OPCML: variants seen among roughly 807,000 people sequenced by gnomAD.
OPCML encodes opioid-binding protein/cell adhesion molecule.
Under a neutral mutation model 37.8 loss-of-function variants are expected in OPCML, and 13 were observed. The observed-to-expected ratio is 0.34, with a 90% CI of 0.22 to 0.55. OPCML has a LOEUF of 0.55. Ranked by LOEUF, OPCML falls within the 20% of genes least tolerant of loss-of-function variation. OPCML has a pLI of 0.91. For missense variants in OPCML, 341 were observed against 435.6 expected (o/e 0.78, Z 1.93); for synonymous variants, 176 against 168.8 (o/e 1.04, Z -0.33).
At chr11:132,973,880 T>C (rs1946398970) in intron 1 of OPCML, among the ~76,000 whole-genome samples, 1 of 149,374 alleles carries the variant, frequency 6.7e-6, no homozygotes, top group Non-Finnish European at 1.5e-5. Context: ...TGGCCTAGCC[T>C]ACCCCTTACC....
intron 4 of OPCML, among the ~76,000 whole-genome samples, chr11:132,491,368 C>T (rs898798803): frequency 6.6e-6 from 1 of 152,240 alleles, no homozygotes. Flanking sequence ...ATGCTCCAGC[C>T]CCATTGCTTA....
intron 1 of OPCML, among the ~76,000 whole-genome samples, chr11:133,324,073 C>T (rs1391806139): frequency 6.6e-6 from 1 of 152,312 alleles, no homozygotes. Context: ...TGCCTCCCCA[C>T]ATTCGGAGTT....
In OPCML at chr11:132,965,701, T is replaced by C. The variant is rs1235239982; in HGVS notation, c.62-22691A>G. Among the ~76,000 whole-genome samples, 4 of 152,086 alleles carry C rather than the reference T, an allele frequency of 2.6e-5. No individual in the cohort carries two copies. In the East Asian group the frequency reaches 7.7e-4, roughly 29 times the overall value. On this transcript the variant is annotated intron_variant, in intron 1 of 7. Coordinates refer to ENST00000524381, the MANE Select transcript of OPCML (RefSeq NM_001012393.5). ...GCAAGGGCCACCACGCCCAGCTAAT[T>C]TTTGTCTTTTTAGTAGAGAGGGGGT...
intron 3 of OPCML, among the ~76,000 whole-genome samples, chr11:132,548,596 C>A (rs1293614336): frequency 6.6e-6 from 1 of 152,164 alleles, no homozygotes; most frequent in East Asian, 1.9e-4. Context: ...AGAGCAGAGC[C>A]AGCGAGGAAT....
intron 3 of OPCML, among the ~76,000 whole-genome samples, chr11:132,637,414 G>T (rs965105519): frequency 2.0e-5 from 3 of 152,060 alleles, no homozygotes; most frequent in Non-Finnish European, 4.4e-5. Context: ...GCTGTTGAAG[G>T]CTTGGAAACC....
At chr11:132,854,149 C>G (rs1356631921) in intron 2 of OPCML, among the ~76,000 whole-genome samples, 1 of 152,158 alleles carries the variant, frequency 6.6e-6, no homozygotes, top group African/African-American at 2.4e-5. Flanking sequence ...ACCCAAGGCA[C>G]CACTTTACTT....
chr11:133,005,745 C>T (rs1189739860), intron 1 of OPCML: 2 of 979,506 alleles, frequency 2.0e-6, no homozygotes, highest in East Asian at 1.1e-4. Flanking sequence ...AAAAGCTTTT[C>T]TTTCTTTTTA....
intron 1 of OPCML, among the ~76,000 whole-genome samples, chr11:133,332,906 C>G (rs1178492386): frequency 6.6e-6 from 1 of 152,102 alleles, no homozygotes; most frequent in Non-Finnish European, 1.5e-5. Flanking sequence ...CGACTTCAAA[C>G]GATACTACAA....
chr11:132,516,609 G>A (rs536069075), intron 4 of OPCML, among the ~76,000 whole-genome samples: 42 of 152,218 alleles, frequency 2.8e-4, no homozygotes, highest in Middle Eastern at 3.4e-3. Context: ...TGGCCAGGGT[G>A]GAGCATATCA....
intron 1 of OPCML, among the ~76,000 whole-genome samples, chr11:133,028,881 T>C (rs1053116177): frequency 1.3e-4 from 17 of 129,644 alleles, no homozygotes; most frequent in African/African-American, 5.0e-4. Flanking sequence ...AACTAAAGTG[T>C]TTCTGCACAC....
At chr11:133,254,227 C>T (rs756534160) in intron 1 of OPCML, among the ~76,000 whole-genome samples, 19 of 152,184 alleles carry the variant, frequency 1.2e-4, no homozygotes, top group Admixed American at 2.6e-4. Flanking sequence ...CTTAGGCTCC[C>T]GGGGAAAGGG....
At chr11:132,818,683 A>G (rs966721864) in intron 2 of OPCML, among the ~76,000 whole-genome samples, 1 of 86,208 alleles carries the variant, frequency 1.2e-5, no homozygotes, top group Non-Finnish European at 2.6e-5. Flanking sequence ...TATATATAAA[A>G]TCATATTGTT....
Position 133,505,096 on chromosome 11 carries a change from C to T in OPCML, c.61+27168G>A, listed in dbSNP as rs1038278315. On this transcript the variant is annotated intron_variant, in intron 1 of 7. Coordinates refer to ENST00000524381, the MANE Select transcript of OPCML (RefSeq NM_001012393.5). Reference sequence around the variant, plus strand: ...CAGGCTCTCCGGGTGCCTCACACCACATGACCTTAGGGAAGGACCCTCGAC... The same window carrying T: ...CAGGCTCTCCGGGTGCCTCACACCATATGACCTTAGGGAAGGACCCTCGAC... 2.6e-5 allele frequency among the ~76,000 whole-genome samples: 4 copies of T among 152,340 alleles called. No homozygotes were observed. The South Asian group carries it at 6.2e-4, about 24-fold the overall frequency.
At chr11:133,229,797 A>G (rs1014727413) in intron 1 of OPCML, among the ~76,000 whole-genome samples, 7 of 152,220 alleles carry the variant, frequency 4.6e-5, no homozygotes, top group Non-Finnish European at 1.0e-4. Flanking sequence ...ACAAGACCGC[A>G]CTTTGTTTTC....
chr11:132,677,440 A>G (rs1942758137), intron 2 of OPCML, among the ~76,000 whole-genome samples: 1 of 152,164 alleles, frequency 6.6e-6, no homozygotes, highest in Admixed American at 6.6e-5. Flanking sequence ...AAAGACCCAG[A>G]ATAACCAACA....
intron 3 of OPCML, among the ~76,000 whole-genome samples, chr11:132,566,702 A>G (rs1446592875): frequency 1.3e-5 from 2 of 152,230 alleles, no homozygotes; most frequent in African/African-American, 4.8e-5. Context: ...TTTTCTGTTT[A>G]TCACTGCGAG....
At chr11:132,586,685 T>C (rs775215726) in intron 3 of OPCML, among the ~76,000 whole-genome samples, 2 of 152,202 alleles carry the variant, frequency 1.3e-5, no homozygotes, top group Non-Finnish European at 2.9e-5. Context: ...TAATCTACTA[T>C]ATCAATGACA....
At chr11:133,313,915 A>G (rs1943127723) in intron 1 of OPCML, among the ~76,000 whole-genome samples, 1 of 152,202 alleles carries the variant, frequency 6.6e-6, no homozygotes, top group African/African-American at 2.4e-5. Context: ...ATCAGTTTGA[A>G]GAAGTCCATT....
chr11:132,545,632 T>C (rs768989407), intron 3 of OPCML, among the ~76,000 whole-genome samples: 10 of 152,228 alleles, frequency 6.6e-5, no homozygotes, highest in Non-Finnish European at 1.5e-4. Flanking sequence ...CTTTGTATTT[T>C]GTTTATCCAT....
Sources: allele counts gnomAD v4.1 joint callset (sites outside exome capture counted in the v4.1 genomes callset), GRCh38; gene constraint gnomAD v4.1.1; transcripts MANE v1.5; gene names NCBI Gene and HGNC (gene_info 2026-07-23, HGNC 2026-07-21).